The following HTR3A variants were observed in gnomAD, a reference collection of about 807,000 sequenced individuals.
HTR3A encodes 5-hydroxytryptamine (serotonin) receptor 3A, ionotropic.
In HTR3A, 45 loss-of-function variants were observed where a neutral mutation model predicts 54.8. The ratio of observed to expected loss-of-function variants is 0.82; its 90% CI spans 0.65 to 1.05. HTR3A has a LOEUF of 1.05. HTR3A is among the 50% of genes least tolerant of loss of function. HTR3A has a pLI of 0.00. For missense variants in HTR3A, 657 were observed against 614.0 expected (o/e 1.07, Z -0.74); for synonymous variants, 297 against 256.0 (o/e 1.16, Z -1.53).
chr11:113,981,656 T>C (rs1046811343), intron 4 of HTR3A, among the ~76,000 whole-genome samples: 2 of 152,036 alleles, frequency 1.3e-5, no homozygotes, highest in African/African-American at 4.8e-5. Context: ...TAAATGTTTA[T>C]TTAAAAAAAA....
At chr11:113,979,301 C>T (rs1250701896) in intron 3 of HTR3A, 24 bp downstream of exon 3, 9 of 1,582,424 alleles carry the variant, frequency 5.7e-6, no homozygotes, top group African/African-American at 1.3e-5. Context: ...CCCCTCCCTG[C>T]CCCCGTTACC....
chr11:113,983,370 C>A (rs562037998), intron 5 of HTR3A, 81 bp downstream of exon 5: 1 of 1,447,950 alleles, frequency 6.9e-7, no homozygotes, highest in South Asian at 1.1e-5. Context: ...CTCCCCAGGG[C>A]GCCTTCTCAC....
Position 113,977,941 on chromosome 11 carries a change from C to T in HTR3A, c.219+19C>T. 1 of 1,614,174 alleles carries T rather than the reference C, an allele frequency of 6.2e-7. No individual in the cohort carries two copies. Among genetic ancestry groups the T allele is most frequent in the Non-Finnish European group, 8.5e-7 (1 of 1,180,018 alleles). On this transcript the variant is annotated intron_variant, in intron 2 of 8. Transcript: ENST00000504030. ...CAACGTGGTGAGGCTCAGCCCCGAG[C>T]TGCACACAGGCAGACCTTTTGGGGG...
chr11:113,978,734 T>A (rs1213354560), intron 2 of HTR3A, among the ~76,000 whole-genome samples: 1 of 152,176 alleles, frequency 6.6e-6, no homozygotes, highest in Non-Finnish European at 1.5e-5. Context: ...CTCACACCTG[T>A]AATCCCAGCA....
chr11:113,982,800 G>C (rs1488917542), intron 4 of HTR3A, among the ~76,000 whole-genome samples: 1 of 152,172 alleles, frequency 6.6e-6, no homozygotes, highest in Admixed American at 6.5e-5. Context: ...GGGCAGTGAC[G>C]GGTTGGGGCC....
rs1950526489 is a variant in HTR3A at position 113,989,495 on chromosome 11, G to A, written c.1169G>A (p.Gly390Glu). 1.9e-6 allele frequency: 3 copies of A among 1,614,072 alleles called. No individual in the cohort carries two copies. The highest frequency in any genetic ancestry group is 1.3e-5 in the African/African-American group (1 of 75,020). ...AMGNHCSHMG[G>E]PQDFEKSPRD... ...GGAAACCACTGCAGCCACATGGGAG[G>A]ACCCCAGGACTTCGAGAAGAGCCCG... The change falls in exon 9 of 9, where the codon GGA (glycine) becomes GAA (glutamate). Residue 390 changes from glycine to glutamate, a missense_variant. By Grantham distance (98) the Gly-to-Glu change is moderately conservative (BLOSUM62 -2). Transcript: ENST00000504030. This position sits in a 1 kb window ranked among gnomAD's most constrained non-coding sequence, Gnocchi z 4.4.
At position 113,986,086 on chromosome 11, in the gene HTR3A, C is replaced by G; in HGVS notation, c.616C>G (p.Gln206Glu). 6.2e-7 allele frequency: 1 copy of G among 1,614,136 alleles called. No homozygotes were observed. The highest frequency in any genetic ancestry group is 8.5e-7 in the Non-Finnish European group (1 of 1,180,018). ...VKSDRSVFMN[Q>E]GEWELLGVLP... ...ATCCGACAGGAGTGTCTTCATGAAC[C>G]AGGGAGAGTGGGAGTTGCTGGGGGT... Residue 206 changes from glutamine to glutamate, a missense_variant, in exon 6 of 9, where the codon CAG (glutamine) becomes GAG (glutamate). Gln to Glu is a conservative substitution (Grantham distance 29). Coordinates refer to ENST00000504030, the MANE Select transcript of HTR3A (RefSeq NM_000869.6).
At chr11:113,982,969 G>T in intron 4 of HTR3A, 151 bp from the exon 5 acceptor site, 1 of 861,730 alleles carries the variant, frequency 1.2e-6, no homozygotes. Flanking sequence ...AGGAAGGTTG[G>T]AAAAACCGAG....
rs114988336 is a variant in HTR3A at position 113,981,369 on chromosome 11, G to A, written c.374+57G>A. On this transcript the variant is annotated intron_variant, in intron 4 of 8. Coordinates refer to ENST00000504030, the MANE Select transcript of HTR3A (RefSeq NM_000869.6). ...GGTGGCTTAGGAGCTGGAGAAGCCC[G>A]GGGACAGAGAGACAAGATTGTCACT... 2,717 of 1,028,474 alleles carry A rather than the reference G, an allele frequency of 2.6e-3. 45 individuals carry two copies. In the African/African-American group the frequency reaches 0.032, roughly 12 times the overall value. 63.7% of individuals were successfully genotyped at this position (1,028,474 alleles called of 1,614,324 possible).
At position 113,985,387 on chromosome 11, in the gene HTR3A, C is replaced by G. The variant is rs565433442; in HGVS notation, c.545-628C>G. On this transcript the variant is annotated intron_variant, in intron 5 of 8. Coordinates refer to ENST00000504030, the MANE Select transcript of HTR3A (RefSeq NM_000869.6). ...TTTTGGAAGGCAGCTGTGCTCACCA[C>G]TACCACAAATGCAAACATCTAATGA... Among the ~76,000 whole-genome samples the G allele has an allele frequency of 5.3e-5, 8 of 152,324 alleles. No individual in the cohort carries two copies. In the South Asian group the frequency reaches 1.4e-3, roughly 28 times the overall value.
At chr11:113,981,789 C>A (rs1051847296) in intron 4 of HTR3A, among the ~76,000 whole-genome samples, 1 of 152,006 alleles carries the variant, frequency 6.6e-6, no homozygotes, top group Admixed American at 6.6e-5. Flanking sequence ...GAAACCCCAT[C>A]TCTACTAAAA....
In HTR3A at chr11:113,986,584, G is replaced by T. The variant is rs1484184423; in HGVS notation, c.772G>T (p.Val258Phe). ...GCTACTGCCCAGCATCTTCCTCATGGTCATGGACATCGTGGGCTTCTACCT... is the reference window on the plus strand; with the variant it reads ...GCTACTGCCCAGCATCTTCCTCATGTTCATGGACATCGTGGGCTTCTACCT... ...SLLLPSIFLM[V>F]MDIVGFYLPP... is the part of the protein sequence containing the mutation. The change falls in exon 7 of 9, where the codon GTC (valine) becomes TTC (phenylalanine). Residue 258 changes from valine (V) to phenylalanine (F), a missense_variant. Physicochemically the swap from Val to Phe is conservative, Grantham distance 50. Transcript: ENST00000504030. 1.2e-6 allele frequency: 2 copies of T among 1,613,514 alleles called. No individual in the cohort carries two copies. The highest frequency in any genetic ancestry group is 1.7e-6 in the Non-Finnish European group (2 of 1,180,016).
In HTR3A at chr11:113,986,955, G is replaced by A. The variant is rs767714014; in HGVS notation, c.1047G>A (p.Glu349=). The change falls in exon 8 of 9, where the codon GAG becomes GAA. Residue 349 remains glutamate, a synonymous_variant. Transcript: ENST00000504030. The stretch of plus-strand genomic sequence containing the variant: ...CTTGGCTGCGTCACCTGGTTCTGGA[G>A]AGAATCGCCTGGCTACTTTGCCTGA... ...VPAWLRHLVL[E]RIAWLLCLRE... 27 of 1,614,046 alleles carry A rather than the reference G, an allele frequency of 1.7e-5. No individual in the cohort carries two copies. The highest frequency in any genetic ancestry group is 1.6e-4 in the Middle Eastern group (1 of 6,084).
intron 8 of HTR3A, among the ~76,000 whole-genome samples, chr11:113,987,345 T>G (rs1169011680): frequency 6.6e-6 from 1 of 152,196 alleles, no homozygotes; most frequent in African/African-American, 2.4e-5. Context: ...GATGGACCCA[T>G]GGGTGAAGTC....
intron 8 of HTR3A, among the ~76,000 whole-genome samples, chr11:113,988,902 G>A (rs1950521287): frequency 6.6e-6 from 1 of 152,202 alleles, no homozygotes; most frequent in African/African-American, 2.4e-5. Flanking sequence ...AGGTTGAAAA[G>A]CAATATATAG....
chr11:113,989,067 A>C lies in HTR3A; in HGVS notation c.1139-398A>C, dbSNP rs1950522964. Among the ~76,000 whole-genome samples the C allele has an allele frequency of 6.6e-6, 1 of 151,696 alleles. No homozygotes were observed. The highest frequency in any genetic ancestry group is 1.5e-5 in the Non-Finnish European group (1 of 67,922). On this transcript the variant is annotated intron_variant, in intron 8 of 8. Coordinates refer to ENST00000504030, the MANE Select transcript of HTR3A (RefSeq NM_000869.6). The surrounding 1 kb of genome is among the most constrained non-coding windows in gnomAD (Gnocchi z 4.4). ...TTACTCTTTATACTTTTTATGTCTA[A>C]AGTTGTTCCTGGCCATCCACGGTGG...
At position 113,979,559 on chromosome 11, in the gene HTR3A, T is replaced by C. The variant is rs528994155; in HGVS notation, c.264+282T>C. ...CCCAGCCTCTGTTGAAAGGAACTCATGAGCCAGCCCCTTCACTCTCAGCCA... is the reference window on the plus strand; with the variant it reads ...CCCAGCCTCTGTTGAAAGGAACTCACGAGCCAGCCCCTTCACTCTCAGCCA... On this transcript the variant is annotated intron_variant, in intron 3 of 8. Transcript: ENST00000504030. Among the ~76,000 whole-genome samples the C allele has an allele frequency of 7.9e-5, 12 of 152,278 alleles. 1 individual carries two copies. The South Asian group carries it at 2.5e-3, about 32-fold the overall frequency.
In HTR3A at chr11:113,986,606, A is replaced by C. The variant is rs754427161; in HGVS notation, c.794A>C (p.Tyr265Ser). 2 of 1,613,604 alleles carry C rather than the reference A, an allele frequency of 1.2e-6. No homozygotes were observed. The highest frequency in any genetic ancestry group is 2.2e-5 in the South Asian group (2 of 91,076). Reference protein sequence around the residue: ...FLMVMDIVGFYLPPNSGERVS... With the variant: ...FLMVMDIVGFSLPPNSGERVS... ...ATGGTCATGGACATCGTGGGCTTCT[A>C]CCTGCCCCCCAACAGTGGCGAGAGG... is the stretch of plus-strand genomic sequence containing the variant. The change falls in exon 7 of 9, where the codon TAC becomes TCC. Residue 265 changes from tyrosine to serine, a missense_variant. Transcript: ENST00000504030.
chr11:113,983,076 C>T, intron 4 of HTR3A, 44 bp from the exon 5 acceptor site: 1 of 1,612,282 alleles, frequency 6.2e-7, no homozygotes, highest in Non-Finnish European at 8.5e-7. Context: ...CCAGAGCTTG[C>T]CCTGTCTCTT....
Sources: allele counts gnomAD v4.1 joint callset (sites outside exome capture counted in the v4.1 genomes callset), GRCh38; gene constraint gnomAD v4.1.1; non-coding constraint Gnocchi (gnomAD v3.1); transcripts MANE v1.5; gene names NCBI Gene and HGNC (gene_info 2026-07-23, HGNC 2026-07-21).